SLC35F1: variants seen among roughly 807,000 people sequenced by gnomAD.
The protein encoded by SLC35F1 is solute carrier family 35 member F1.
Under a neutral mutation model 48.7 loss-of-function variants are expected in SLC35F1, and 14 were observed. That is an observed-to-expected ratio of 0.29 (90% CI 0.19 to 0.45). The LOEUF is 0.45. Among genes scored for constraint, SLC35F1 ranks in the 20% least tolerant of loss-of-function variants. The pLI is 1.00. For missense variants in SLC35F1, 404 were observed against 500.0 expected (o/e 0.81, Z 1.83); for synonymous variants, 190 against 202.2 (o/e 0.94, Z 0.51).
chr6:118,239,257 A>G (rs1775405891), intron 3 of SLC35F1, among the ~76,000 whole-genome samples: 1 of 149,280 alleles, frequency 6.7e-6, no homozygotes, highest in Non-Finnish European at 1.5e-5. Context: ...TACTAAATAC[A>G]TGTTTGAAGA....
chr6:118,235,435 T>G (rs1775349323), intron 2 of SLC35F1, 74 bp from the exon 3 acceptor site: 1 of 1,371,544 alleles, frequency 7.3e-7, no homozygotes, highest in South Asian at 1.5e-5. Context: ...TTGCAACATA[T>G]TAGAATTCTT....
intron 2 of SLC35F1, among the ~76,000 whole-genome samples, chr6:118,168,338 A>G (rs1774349993): frequency 6.6e-6 from 1 of 152,160 alleles, no homozygotes; most frequent in African/African-American, 2.4e-5. Flanking sequence ...TGCCTAAAAC[A>G]GCATATAGTA....
chr6:118,309,341 A>G (rs1252039873), intron 7 of SLC35F1, among the ~76,000 whole-genome samples: 1 of 152,114 alleles, frequency 6.6e-6, no homozygotes, highest in Non-Finnish European at 1.5e-5. Context: ...ACACCAGGCT[A>G]GGAGCCTTTA....
chr6:118,057,240 A>G (rs1036456360), intron 1 of SLC35F1, among the ~76,000 whole-genome samples: 1 of 152,214 alleles, frequency 6.6e-6, no homozygotes, highest in African/African-American at 2.4e-5. Context: ...TACCAATGTC[A>G]TGCTAGAGAT....
intron 2 of SLC35F1, among the ~76,000 whole-genome samples, chr6:118,229,168 A>G (rs888513795): frequency 3.3e-5 from 5 of 152,036 alleles, no homozygotes; most frequent in African/African-American, 1.2e-4. Flanking sequence ...ATGTGCAACC[A>G]CTGTTACTAT....
At chr6:117,965,545 C>T (rs1236443311) in intron 1 of SLC35F1, among the ~76,000 whole-genome samples, 1 of 152,158 alleles carries the variant, frequency 6.6e-6, no homozygotes, top group South Asian at 2.1e-4. Context: ...GAAGAGCACC[C>T]GTCCTCCCTC....
At chr6:118,016,455 G>A (rs1197127221) in intron 1 of SLC35F1, among the ~76,000 whole-genome samples, 2 of 152,214 alleles carry the variant, frequency 1.3e-5, no homozygotes, top group African/African-American at 2.4e-5. Context: ...AATTCTGTAA[G>A]CACTTTATAC....
intron 1 of SLC35F1, among the ~76,000 whole-genome samples, chr6:118,055,652 T>C (rs939893240): frequency 6.6e-6 from 1 of 152,110 alleles, no homozygotes; most frequent in Non-Finnish European, 1.5e-5. Flanking sequence ...GTTAACCAGA[T>C]GAGAGCCCCA....
chr6:118,281,117 A>G (rs1056124986), intron 6 of SLC35F1, among the ~76,000 whole-genome samples: 2 of 151,456 alleles, frequency 1.3e-5, no homozygotes, highest in African/African-American at 2.4e-5. Flanking sequence ...TCCCAAAGAA[A>G]AAGACGAAAT....
intron 3 of SLC35F1, among the ~76,000 whole-genome samples, chr6:118,253,023 A>C (rs369294885): frequency 1.7e-4 from 26 of 152,242 alleles, no homozygotes; most frequent in African/African-American, 6.0e-4. Context: ...TTAGATAAGT[A>C]GGTGGTTATA....
chr6:118,071,157 TAC>T (rs1424370383), intron 1 of SLC35F1, among the ~76,000 whole-genome samples: 2 of 143,058 alleles, frequency 1.4e-5, no homozygotes, highest in Non-Finnish European at 3.1e-5. Context: ...TCTATGTATA[TAC>T]ACACATAGAA....
At position 118,111,322 on chromosome 6, in the gene SLC35F1, A is replaced by C. The variant is rs151010309; in HGVS notation, c.174-43123A>C. ...TCACACTGCAGAAAACCAAAGACAA[A>C]GAAAATCTTGAGAGAAGTCAGAGGG... On this transcript the variant is annotated intron_variant, in intron 1 of 7. Transcript: ENST00000360388. 2.1e-3 allele frequency among the ~76,000 whole-genome samples: 317 copies of C among 152,328 alleles called. 1 individual carries two copies. Among genetic ancestry groups the C allele is most frequent in the African/African-American group, 7.5e-3 (313 of 41,586 alleles).
intron 1 of SLC35F1, among the ~76,000 whole-genome samples, chr6:117,989,608 G>C (rs988580837): frequency 7.9e-5 from 12 of 152,178 alleles, no homozygotes; most frequent in African/African-American, 2.9e-4. Context: ...TAAATGATTT[G>C]CTATTTTGTT....
chr6:118,043,058 G>A (rs1301445386), intron 1 of SLC35F1, among the ~76,000 whole-genome samples: 1 of 152,132 alleles, frequency 6.6e-6, no homozygotes, highest in African/African-American at 2.4e-5. Context: ...GTACTGTGCG[G>A]TTAGGATTCT....
intron 2 of SLC35F1, among the ~76,000 whole-genome samples, chr6:118,157,493 A>G (rs145175579): frequency 6.6e-6 from 1 of 152,270 alleles, no homozygotes; most frequent in East Asian, 1.9e-4. Context: ...GAAGTCCCAC[A>G]ATAGGCCGTC....
chr6:118,205,333 C>T (rs6913889), intron 2 of SLC35F1, among the ~76,000 whole-genome samples: 8,537 of 152,226 alleles, frequency 0.056, 799 homozygotes, highest in African/African-American at 0.19. Context: ...ACATTTCTCA[C>T]GAGAAGAAGA....
intron 4 of SLC35F1, among the ~76,000 whole-genome samples, chr6:118,270,960 T>C (rs993816002): frequency 1.6e-4 from 25 of 152,216 alleles, no homozygotes; most frequent in Admixed American, 1.3e-3. Flanking sequence ...CAAAATATCC[T>C]TTTCTAACAC....
At chr6:118,076,212 A>G (rs1178735738) in intron 1 of SLC35F1, among the ~76,000 whole-genome samples, 1 of 152,246 alleles carries the variant, frequency 6.6e-6, no homozygotes, top group Non-Finnish European at 1.5e-5. Flanking sequence ...CATAAATTAT[A>G]GTTTTCTATC....
At chr6:118,082,405 A>T (rs4546521) in intron 1 of SLC35F1, among the ~76,000 whole-genome samples, 52,263 of 152,074 alleles carry the variant, frequency 0.34, 10,254 homozygotes, top group East Asian at 0.55. Flanking sequence ...ATAATTTTAG[A>T]AAGTTATGGA....
Sources: gnomAD v4.1 joint callset for allele counts (sites outside exome capture counted in the v4.1 genomes callset) on GRCh38, gnomAD v4.1.1 for gene constraint, MANE v1.5 for transcripts, NCBI Gene and HGNC (gene_info 2026-07-23, HGNC 2026-07-21) for gene names.